The following WDR72 variants were observed in gnomAD, a reference collection of about 807,000 sequenced individuals.
WDR72 encodes WD repeat domain 72.
In WDR72, 120 loss-of-function variants were observed where a neutral mutation model predicts 124.2. The ratio of observed to expected loss-of-function variants is 0.97; its 90% CI spans 0.83 to 1.12. The LOEUF (loss-of-function observed/expected upper bound fraction) is 1.12, where lower values mean the gene tolerates loss of function less well. Ranked by LOEUF, WDR72 falls within the 50% of genes most tolerant of loss-of-function variation. The pLI, the probability that WDR72 is intolerant of heterozygous loss-of-function variation, is 0.00. For missense variants in WDR72, 1,387 were observed against 1,278.8 expected (o/e 1.08, Z -1.29); for synonymous variants, 452 against 441.7 (o/e 1.02, Z -0.29).
upstream of WDR72, among the ~76,000 whole-genome samples, chr15:53,761,300 C>G (rs780964159): frequency 1.3e-5 from 2 of 152,026 alleles, no homozygotes; most frequent in Non-Finnish European, 2.9e-5. Flanking sequence ...CGGCTCATAT[C>G]CAAAAGACAG....
chr15:53,705,735 T>C (rs1242124020), intron 10 of WDR72, among the ~76,000 whole-genome samples, 192 bp downstream of exon 10: 2 of 152,220 alleles, frequency 1.3e-5, no homozygotes, highest in Non-Finnish European at 2.9e-5. Context: ...AGTGCTAGGA[T>C]TACAGGCATG....
At chr15:53,585,916 G>C (rs1036693521) in intron 18 of WDR72, among the ~76,000 whole-genome samples, 1 of 152,014 alleles carries the variant, frequency 6.6e-6, no homozygotes, top group African/African-American at 2.4e-5. Flanking sequence ...CTTCATGTCT[G>C]CCACAAAATT....
intron 18 of WDR72, among the ~76,000 whole-genome samples, chr15:53,583,560 G>A (rs1291608689): frequency 6.6e-6 from 1 of 151,926 alleles, no homozygotes; most frequent in Admixed American, 6.6e-5. Flanking sequence ...TTTTACCACA[G>A]GGAAAAAAAA....
chr15:53,540,893 GA>G, intron 18 of WDR72: 1 of 153,896 alleles, frequency 6.5e-6, no homozygotes, highest in South Asian at 2.0e-4. Context: ...GACGCACCTG[GA>G]AAATCGGGTC....
chr15:53,732,924 T>C, intron 2 of WDR72, 73 bp downstream of exon 2: 4 of 1,568,204 alleles, frequency 2.6e-6, no homozygotes, highest in Middle Eastern at 1.8e-4. Context: ...TCCACTGTCA[T>C]TGCAGATAGA....
intron 14 of WDR72, among the ~76,000 whole-genome samples, chr15:53,654,183 A>G (rs192254881): frequency 4.6e-5 from 7 of 152,322 alleles, no homozygotes; most frequent in Admixed American, 2.6e-4. Flanking sequence ...AAAAGCAACC[A>G]TACTAAATGA....
intron 17 of WDR72, among the ~76,000 whole-genome samples, chr15:53,608,198 C>G (rs1469396752): frequency 6.6e-6 from 1 of 152,202 alleles, no homozygotes; most frequent in African/African-American, 2.4e-5. Flanking sequence ...GAAATCTGCA[C>G]TCCTATGTTT....
intron 13 of WDR72, among the ~76,000 whole-genome samples, chr15:53,679,855 G>C (rs557774248): frequency 1.3e-5 from 2 of 150,840 alleles, no homozygotes; most frequent in South Asian, 4.2e-4. Flanking sequence ...ATTTTGGAGA[G>C]ATAAAATAAT....
chr15:53,634,885 CA>C (rs2014567972), intron 14 of WDR72, among the ~76,000 whole-genome samples: 1 of 152,168 alleles, frequency 6.6e-6, no homozygotes, highest in African/African-American at 2.4e-5. Flanking sequence ...TAACAGGCAG[CA>C]AAGGTAGTAG....
At chr15:53,562,319 C>G (rs932004702) in intron 18 of WDR72, among the ~76,000 whole-genome samples, 7 of 151,692 alleles carry the variant, frequency 4.6e-5, no homozygotes, top group Admixed American at 1.3e-4. Flanking sequence ...TAATTGCCCC[C>G]CACCCCAATT....
chr15:53,706,351 T>TGTATATATATATATATATAC, intron 9 of WDR72, among the ~76,000 whole-genome samples: 1 of 11,314 alleles, frequency 8.8e-5, no homozygotes, highest in African/African-American at 2.4e-4. Flanking sequence ...TGTGTGTGTG[T>TGTATATATATATATATATAC]ATATATATAT....
At chr15:53,642,264 C>G (rs904908998) in intron 14 of WDR72, among the ~76,000 whole-genome samples, 1 of 151,940 alleles carries the variant, frequency 6.6e-6, no homozygotes, top group Non-Finnish European at 1.5e-5. Flanking sequence ...GCTTCCCCAT[C>G]AAAGATAAAA....
intron 1 of WDR72, among the ~76,000 whole-genome samples, chr15:53,745,606 T>C (rs541216739): frequency 6.6e-6 from 1 of 152,356 alleles, no homozygotes; most frequent in East Asian, 1.9e-4. Context: ...GTATACACTA[T>C]GTAATATTTG....
chr15:53,570,502 C>T (rs2129775), intron 18 of WDR72, among the ~76,000 whole-genome samples: 104,956 of 151,894 alleles, frequency 0.69, 36,816 homozygotes, highest in Middle Eastern at 0.83. Context: ...ACATTACTAA[C>T]CATCAGAGAT....
At chr15:53,570,937 G>C (rs1894503613) in intron 18 of WDR72, among the ~76,000 whole-genome samples, 1 of 152,114 alleles carries the variant, frequency 6.6e-6, no homozygotes, top group Non-Finnish European at 1.5e-5. Context: ...CAGCGACATG[G>C]ATGCAGCTGG....
At chr15:53,585,004 T>TA (rs1197404929) in intron 18 of WDR72, among the ~76,000 whole-genome samples, 4 of 152,012 alleles carry the variant, frequency 2.6e-5, no homozygotes, top group Non-Finnish European at 5.9e-5. Context: ...TGAACTTTAA[T>TA]ATCTCATTCA....
chr15:53,715,504 C>T (rs2017678524), intron 4 of WDR72, 137 bp from the exon 5 acceptor site: 1 of 1,024,986 alleles, frequency 9.8e-7, no homozygotes, highest in Non-Finnish European at 1.5e-6. Context: ...ACTAAAATTT[C>T]TCTTAGTTCA....
chr15:53,678,035 A>C (rs966867669), intron 13 of WDR72, among the ~76,000 whole-genome samples: 16 of 152,180 alleles, frequency 1.1e-4, no homozygotes, highest in African/African-American at 3.6e-4. Flanking sequence ...TATGTGGTAG[A>C]GTTACATTTC....
chr15:53,573,022 G>A (rs1595767948), intron 18 of WDR72, among the ~76,000 whole-genome samples: 4 of 152,288 alleles, frequency 2.6e-5, no homozygotes, highest in Admixed American at 2.6e-4. Flanking sequence ...AGGAGGTAGA[G>A]GTATCAGTAT....
Sources: gnomAD v4.1 joint callset for allele counts (sites outside exome capture counted in the v4.1 genomes callset) on GRCh38, gnomAD v4.1.1 for gene constraint, MANE v1.5 for transcripts, NCBI Gene and HGNC (gene_info 2026-07-23, HGNC 2026-07-21) for gene names.